TAF4B: variants seen among roughly 807,000 people sequenced by gnomAD.
TAF4B encodes transcription initiation factor TFIID subunit 4B.
TAF4B carries 38 observed loss-of-function variants against 86.4 expected under a neutral mutation model. That is an observed-to-expected ratio of 0.44 (90% confidence interval 0.34 to 0.58). TAF4B has a LOEUF of 0.58. TAF4B is among the 20% of genes least tolerant of loss of function. The pLI is 0.02. For missense variants in TAF4B, 988 were observed against 1,027.6 expected, an observed-to-expected ratio of 0.96 and a Z score of 0.53; for synonymous variants, 388 against 391.2, an observed-to-expected ratio of 0.99 and a Z score of 0.10.
intron 13 of TAF4B, among the ~76,000 whole-genome samples, chr18:26,350,914 C>A (rs57341356): frequency 6.6e-6 from 1 of 152,230 alleles, no homozygotes; most frequent in African/African-American, 2.4e-5. Context: ...AATTCTTAAA[C>A]ACTGTCAGTG....
intron 14 of TAF4B, among the ~76,000 whole-genome samples, chr18:26,367,863 G>A (rs2057381707): frequency 6.6e-6 from 1 of 152,194 alleles, no homozygotes; most frequent in African/African-American, 2.4e-5. Flanking sequence ...AAATTTAATA[G>A]ACACTCATAA....
chr18:26,272,484 A>G (rs1223178988), intron 3 of TAF4B, among the ~76,000 whole-genome samples: 3 of 151,778 alleles, frequency 2.0e-5, no homozygotes, highest in Non-Finnish European at 4.4e-5. Flanking sequence ...TTTTTTTTTT[A>G]CTGGAGACAG....
chr18:26,258,773 G>A (rs866966160), intron 1 of TAF4B, among the ~76,000 whole-genome samples: 2 of 152,044 alleles, frequency 1.3e-5, no homozygotes, highest in Non-Finnish European at 2.9e-5. Context: ...ATAGCTCACT[G>A]CAACCTTGAA....
intron 9 of TAF4B, among the ~76,000 whole-genome samples, chr18:26,306,810 ACT>A (rs1188072803): frequency 3.1e-5 from 3 of 98,256 alleles, no homozygotes; most frequent in East Asian, 5.9e-4. Flanking sequence ...ATGGAGTCTC[ACT>A]CTGTCTCCCA....
intron 7 of TAF4B, among the ~76,000 whole-genome samples, chr18:26,288,944 CT>C (rs2056559739): frequency 6.6e-6 from 1 of 152,078 alleles, no homozygotes; most frequent in Non-Finnish European, 1.5e-5. Flanking sequence ...ATTCTGCTTT[CT>C]TGTTTGTCCT....
chr18:26,228,787 C>A (rs921995871), intron 1 of TAF4B, among the ~76,000 whole-genome samples: 1 of 152,068 alleles, frequency 6.6e-6, no homozygotes, highest in African/African-American at 2.4e-5. Context: ...CCCAACCCCC[C>A]AAAGAAAGAA....
At chr18:26,311,667 A>T (rs1452624861) in intron 9 of TAF4B, among the ~76,000 whole-genome samples, 1 of 152,150 alleles carries the variant, frequency 6.6e-6, no homozygotes, top group African/African-American at 2.4e-5. Context: ...TAGAACAGGA[A>T]GGGAATAGTC....
chr18:26,338,501 G>A (rs914401104), intron 13 of TAF4B, among the ~76,000 whole-genome samples: 7 of 102,074 alleles, frequency 6.9e-5, no homozygotes, highest in Non-Finnish European at 5.8e-5. Context: ...TTTGGGAGAC[G>A]GAATTTCGCT....
Position 26,389,961 on chromosome 18 carries a change from G to C in TAF4B, c.2538G>C (p.Gln846His). 1 of 1,614,144 alleles carries C rather than the reference G, an allele frequency of 6.2e-7. No homozygotes were observed. The highest frequency in any genetic ancestry group is 8.5e-7 in the Non-Finnish European group (1 of 1,180,010). ...CLRDLIFCME[Q>H]EREMKYSRAL... is the part of the protein sequence containing the mutation. ...GGGACTTGATATTTTGTATGGAACA[G>C]GAACGGGAGATGAAGTATTCTCGAG... Residue 846 changes from glutamine to histidine, a missense_variant, in exon 15 of 15, where the codon CAG (glutamine) becomes CAC (histidine). Coordinates refer to ENST00000269142, the MANE Select transcript of TAF4B (RefSeq NM_005640.3).
At chr18:26,254,921 G>A (rs2056060033) in intron 1 of TAF4B, among the ~76,000 whole-genome samples, 1 of 152,138 alleles carries the variant, frequency 6.6e-6, no homozygotes, top group Non-Finnish European at 1.5e-5. Context: ...TTAATAATCA[G>A]TAGTACAGGT....
At chr18:26,242,724 G>A (rs1413019032) in intron 1 of TAF4B, among the ~76,000 whole-genome samples, 1 of 152,226 alleles carries the variant, frequency 6.6e-6, no homozygotes. Flanking sequence ...GGCTGATACT[G>A]GTTGTTCCTT....
chr18:26,372,858 A>C (rs980876524), intron 14 of TAF4B, among the ~76,000 whole-genome samples: 2 of 150,262 alleles, frequency 1.3e-5, no homozygotes, highest in African/African-American at 4.9e-5. Context: ...AGTCCCAGCT[A>C]CTCGGAAGGC....
chr18:26,275,543 A>G (rs2056373934), intron 5 of TAF4B, among the ~76,000 whole-genome samples: 1 of 152,000 alleles, frequency 6.6e-6, no homozygotes, highest in Non-Finnish European at 1.5e-5. Context: ...GGCTAGAAAA[A>G]CCTATTGTAT....
chr18:26,371,187 G>A (rs2057403745), intron 14 of TAF4B, among the ~76,000 whole-genome samples: 1 of 152,168 alleles, frequency 6.6e-6, no homozygotes, highest in Non-Finnish European at 1.5e-5. Flanking sequence ...GTAACAGCAT[G>A]CTCTAAATTC....
At chr18:26,344,980 C>T (rs978103715) in intron 13 of TAF4B, among the ~76,000 whole-genome samples, 8 of 152,224 alleles carry the variant, frequency 5.3e-5, no homozygotes, top group African/African-American at 1.9e-4. Flanking sequence ...CAGCCAGCCC[C>T]TGTTGCCACC....
chr18:26,347,668 A>G (rs2057211043), intron 13 of TAF4B, among the ~76,000 whole-genome samples: 1 of 152,236 alleles, frequency 6.6e-6, no homozygotes. Flanking sequence ...TCAACTGTAT[A>G]CTGCCGACAG....
chr18:26,374,723 C>T (rs199707177), intron 14 of TAF4B, among the ~76,000 whole-genome samples: 10 of 152,006 alleles, frequency 6.6e-5, no homozygotes, highest in African/African-American at 2.4e-4. Flanking sequence ...TCCACAATAC[C>T]GAGTTTACAT....
chr18:26,357,102 A>G (rs113475160), intron 13 of TAF4B, among the ~76,000 whole-genome samples: 64 of 152,310 alleles, frequency 4.2e-4, no homozygotes, highest in African/African-American at 1.4e-3. Flanking sequence ...TTTGCTCCAC[A>G]TGCTGTCTCC....
chr18:26,346,907 G>GTATATA lies in TAF4B; in HGVS notation c.2317-10772_2317-10767dup, dbSNP rs61248095. ...TATATATATATATATATATGTGTGTGTATATATATATATATAGTTTTTTGT... is the reference window on the plus strand; with the variant it reads ...TATATATATATATATATATGTGTGTGTATATATATATATATATATATAGTTTTTTGT... On this transcript the variant is annotated intron_variant, in intron 13 of 14. Transcript: ENST00000269142. 1.0e-2 allele frequency among the ~76,000 whole-genome samples: 112 copies of GTATATA among 11,208 alleles called. 19 individuals are homozygous for GTATATA. The East Asian group carries it at 0.16, about 16-fold the overall frequency. The allele number at this position is 11,208 out of a possible 152,430, so 7.4% of individuals were successfully genotyped here.
Sources: gnomAD v4.1 joint callset for allele counts (sites outside exome capture counted in the v4.1 genomes callset) on GRCh38, gnomAD v4.1.1 for gene constraint, MANE v1.5 for transcripts, NCBI Gene and HGNC (gene_info 2026-07-23, HGNC 2026-07-21) for gene names.